Variants in PCDHA8 observed in about 807,000 individuals in gnomAD.
PCDHA8 encodes the protein protocadherin alpha 8, also known as protocadherin alpha-8.
PCDHA8 carries 53 observed loss-of-function variants against 61.8 expected under a neutral mutation model. The ratio of observed to expected loss-of-function variants is 0.86; its 90% CI spans 0.69 to 1.08. PCDHA8 has a LOEUF of 1.08. PCDHA8 is among the 50% of genes least tolerant of loss of function. PCDHA8 has a pLI of 0.00. For missense variants in PCDHA8, 1,293 were observed against 1,245.0 expected (o/e 1.04, Z -0.58); for synonymous variants, 618 against 556.6 (o/e 1.11, Z -1.55).
intron 1 of PCDHA8, among the ~76,000 whole-genome samples, chr5:140,895,392 C>T (rs983338513): frequency 6.6e-5 from 10 of 152,148 alleles, no homozygotes; most frequent in African/African-American, 2.4e-4. Context: ...CAATTCTCAA[C>T]ACCATCAAAA....
At chr5:140,884,329 G>T (rs782258780) in intron 1 of PCDHA8, 1 of 1,613,760 alleles carries the variant, frequency 6.2e-7, no homozygotes, top group Non-Finnish European at 8.5e-7. Flanking sequence ...CAGGCGCTGT[G>T]GGTCCAGAAG....
chr5:140,984,516 TCA>T (rs1422083367), intron 3 of PCDHA8, among the ~76,000 whole-genome samples: 2 of 152,130 alleles, frequency 1.3e-5, no homozygotes, highest in Non-Finnish European at 2.9e-5. Context: ...GATGCATGAG[TCA>T]CAGTCTTCAT....
At chr5:140,884,267 T>C in intron 1 of PCDHA8, 3 of 1,613,566 alleles carry the variant, frequency 1.9e-6, no homozygotes, top group South Asian at 1.1e-5. Context: ...AACGGTGCTG[T>C]TGTCGCTGGT....
At chr5:141,004,054 G>A (rs2098150015) in intron 3 of PCDHA8, among the ~76,000 whole-genome samples, 1 of 152,216 alleles carries the variant, frequency 6.6e-6, no homozygotes, top group Admixed American at 6.5e-5. Flanking sequence ...TGCTGATACT[G>A]GCCCCTGGTT....
rs548122977 is a variant in PCDHA8 at position 141,010,588 on chromosome 5, T to C, written c.*651T>C. ...AGGCTTTAGGAGACCCTAAAGTCTG[T>C]TGGCTGTGACGTCATTATACCTAAA... On this transcript the variant is annotated 3_prime_UTR_variant, in exon 4 of 4. Coordinates refer to ENST00000531613, the MANE Select transcript of PCDHA8 (RefSeq NM_018911.3). 5 of 233,334 alleles carry C rather than the reference T, an allele frequency of 2.1e-5. No individual in the cohort carries two copies. In the East Asian group the frequency reaches 4.8e-4, roughly 22 times the overall value. 14.5% of individuals were successfully genotyped at this position (233,334 alleles called of 1,614,324 possible).
intron 1 of PCDHA8, among the ~76,000 whole-genome samples, chr5:140,873,732 C>T (rs1309470062): frequency 6.6e-6 from 1 of 152,166 alleles, no homozygotes; most frequent in African/African-American, 2.4e-5. Context: ...GCAATCTCAG[C>T]TCACTGCAAT....
At chr5:140,892,469 A>T (rs557049666) in intron 1 of PCDHA8, among the ~76,000 whole-genome samples, 1 of 152,184 alleles carries the variant, frequency 6.6e-6, no homozygotes, top group Admixed American at 6.5e-5. Context: ...ACGGTTATTC[A>T]GTTTCCTAGC....
intron 1 of PCDHA8, chr5:140,877,241 T>G (rs1554169505): frequency 1.2e-6 from 2 of 1,613,670 alleles, no homozygotes; most frequent in Non-Finnish European, 1.7e-6. Flanking sequence ...GCGGGCCACG[T>G]GGTGGCGAAA....
chr5:140,902,822 C>T (rs1239042138), intron 1 of PCDHA8, among the ~76,000 whole-genome samples: 4 of 151,576 alleles, frequency 2.6e-5, no homozygotes, highest in Admixed American at 2.0e-4. Context: ...ATTTGGTTTT[C>T]GATTTCTGAG....
rs1234453098 is a variant in PCDHA8, at chr5:141,010,058, C to A, written c.*121C>A. 2 of 1,600,982 alleles carry A rather than the reference C, an allele frequency of 1.2e-6. No homozygotes were observed. The highest frequency in any genetic ancestry group is 1.7e-6 in the Non-Finnish European group (2 of 1,173,736). Reference sequence around the variant, plus strand: ...GAGCCCTCTTAGAGACCTCAGAAATCTGCAGAAAGTTCCCTGTGTCTGTCT... The same window carrying A: ...GAGCCCTCTTAGAGACCTCAGAAATATGCAGAAAGTTCCCTGTGTCTGTCT... On this transcript the variant is annotated 3_prime_UTR_variant, in exon 4 of 4. Transcript: ENST00000531613.
At chr5:140,967,681 G>A (rs367838143) in intron 1 of PCDHA8, 12 of 1,614,086 alleles carry the variant, frequency 7.4e-6, no homozygotes, top group Non-Finnish European at 9.3e-6. Flanking sequence ...ACCGGGAGAG[G>A]CAGCTCTTCA....
rs2150361744 is a variant in PCDHA8 at position 140,843,519 on chromosome 5, G to T, written c.2198G>T (p.Arg733Leu). 6.3e-7 allele frequency: 1 copy of T among 1,595,904 alleles called. No individual in the cohort carries two copies. The highest frequency in any genetic ancestry group is 8.6e-7 in the Non-Finnish European group (1 of 1,165,540). The change falls in exon 1 of 4, where the codon CGG becomes CTG. Residue 733 changes from arginine (R) to leucine (L), a missense_variant. By Grantham distance (102) the Arg-to-Leu change is moderately radical. Transcript: ENST00000531613. ...GCACTGCCCACTGAGGGCGGGTGCC[G>T]GGCGGGCAAGCCCACTCTGGTGTGC... is the stretch of plus-strand genomic sequence containing the variant. ...CSALPTEGGCRAGKPTLVCSS... is the reference protein window; with the variant it reads ...CSALPTEGGCLAGKPTLVCSS...
At chr5:140,977,461 G>A (rs1554238575) in intron 1 of PCDHA8, among the ~76,000 whole-genome samples, 1 of 152,120 alleles carries the variant, frequency 6.6e-6, no homozygotes, top group African/African-American at 2.4e-5. Context: ...CTTTGATTTG[G>A]TCTGTAGATA....
At chr5:140,883,593 C>T (rs2059688395) in intron 1 of PCDHA8, 1 of 1,613,954 alleles carries the variant, frequency 6.2e-7, no homozygotes, top group Non-Finnish European at 8.5e-7. Context: ...GCCAGCGTGT[C>T]GGTGGGGGTG....
intron 3 of PCDHA8, among the ~76,000 whole-genome samples, chr5:140,997,957 C>T (rs1051643572): frequency 6.6e-5 from 10 of 152,156 alleles, no homozygotes; most frequent in East Asian, 1.9e-4. Context: ...TTGGCATTCA[C>T]GTACCTGTGG....
chr5:140,923,220 G>A (rs1264496576), intron 1 of PCDHA8, among the ~76,000 whole-genome samples: 5 of 71,932 alleles, frequency 7.0e-5, no homozygotes, highest in African/African-American at 2.1e-4. Flanking sequence ...TGAAAGGATC[G>A]TTTGAGCCCA....
chr5:141,007,470 A>G (rs1395064697), intron 3 of PCDHA8, among the ~76,000 whole-genome samples: 2 of 151,494 alleles, frequency 1.3e-5, no homozygotes. Context: ...CAGGAGGCTG[A>G]GGCACGAGAA....
chr5:140,849,097 A>G, intron 1 of PCDHA8: 2 of 1,481,690 alleles, frequency 1.3e-6, no homozygotes, highest in Non-Finnish European at 9.2e-7. Context: ...AAACTTTTAG[A>G]CAGAGAAGAA....
At chr5:140,872,920 T>C (rs2153277088) in intron 1 of PCDHA8, among the ~76,000 whole-genome samples, 1 of 152,356 alleles carries the variant, frequency 6.6e-6, no homozygotes, top group South Asian at 2.1e-4. Flanking sequence ...TAATGCCTTA[T>C]CTCTAATGTT....
Sources: allele counts gnomAD v4.1 joint callset (sites outside exome capture counted in the v4.1 genomes callset), GRCh38; gene constraint gnomAD v4.1.1; transcripts MANE v1.5; gene names NCBI Gene and HGNC (gene_info 2026-07-23, HGNC 2026-07-21).